Variants in MYT1L observed in about 807,000 individuals in gnomAD.
MYT1L encodes myelin transcription factor 1 like.
A neutral mutation model predicts 126.7 loss-of-function variants in MYT1L; 12 were observed. The observed-to-expected ratio is 0.09, with a 90% confidence interval of 0.06 to 0.15. MYT1L has a LOEUF of 0.15. MYT1L is among the 10% of genes least tolerant of loss of function. MYT1L has a pLI of 1.00. For missense variants in MYT1L, 979 were observed against 1,585.2 expected, an observed-to-expected ratio of 0.62 and a Z score of 6.49; for synonymous variants, 541 against 604.2, an observed-to-expected ratio of 0.90 and a Z score of 1.53.
intron 14 of MYT1L, 82 bp from the exon 15 acceptor site, chr2:1,892,369 C>G (rs190896269): frequency 4.4e-5 from 65 of 1,487,218 alleles, no homozygotes; most frequent in Non-Finnish European, 5.3e-5. Flanking sequence ...CTGCCCGCCC[C>G]GGCCTCAGCC....
chr2:2,252,269 C>A (rs1008240435), intron 2 of MYT1L, among the ~76,000 whole-genome samples: 1 of 152,204 alleles, frequency 6.6e-6, no homozygotes, highest in Non-Finnish European at 1.5e-5. Flanking sequence ...ACCCTTTTAA[C>A]TTTAAAATTC....
intron 3 of MYT1L, among the ~76,000 whole-genome samples, chr2:2,122,908 C>G (rs13034005): frequency 1.4e-5 from 2 of 147,212 alleles, no homozygotes; most frequent in Non-Finnish European, 3.0e-5. Flanking sequence ...GAGTAGAAGA[C>G]AGAACTGGAT....
chr2:2,155,861 T>C (rs1169902803), intron 3 of MYT1L, among the ~76,000 whole-genome samples: 1 of 152,202 alleles, frequency 6.6e-6, no homozygotes, highest in African/African-American at 2.4e-5. Flanking sequence ...TCCAGGCATC[T>C]GGAGGTTCAA....
At chr2:1,896,774 G>A (rs551510265) in intron 14 of MYT1L, among the ~76,000 whole-genome samples, 1 of 151,752 alleles carries the variant, frequency 6.6e-6, no homozygotes, top group Non-Finnish European at 1.5e-5. Context: ...ACATGCACAG[G>A]TACCCTCTGT....
intron 2 of MYT1L, among the ~76,000 whole-genome samples, chr2:2,189,785 G>T (rs1003175445): frequency 2.5e-4 from 38 of 151,556 alleles, no homozygotes; most frequent in Non-Finnish European, 4.1e-4. Context: ...GGACCGCACG[G>T]GGAGAAGCTC....
intron 18 of MYT1L, among the ~76,000 whole-genome samples, chr2:1,864,883 T>G (rs2045250871): frequency 6.6e-6 from 1 of 152,194 alleles, no homozygotes; most frequent in South Asian, 2.1e-4. Flanking sequence ...CCAGAGGGGT[T>G]GGCCTGTTCC....
intron 4 of MYT1L, among the ~76,000 whole-genome samples, chr2:2,001,088 C>T (rs1429649584): frequency 6.6e-6 from 1 of 152,130 alleles, no homozygotes; most frequent in Non-Finnish European, 1.5e-5. Flanking sequence ...TTCGTGCCCC[C>T]ATACAACCTG....
intron 3 of MYT1L, among the ~76,000 whole-genome samples, chr2:2,138,050 A>G (rs2083319923): frequency 6.6e-6 from 1 of 152,244 alleles, no homozygotes; most frequent in Non-Finnish European, 1.5e-5. Flanking sequence ...GACACTTCGC[A>G]AAATAAGACA....
chr2:2,175,485 TA>T (rs1174085796), intron 2 of MYT1L, among the ~76,000 whole-genome samples: 1 of 152,008 alleles, frequency 6.6e-6, no homozygotes, highest in East Asian at 1.9e-4. Flanking sequence ...TGAGATTGGT[TA>T]AAAGATGAGA....
At chr2:2,124,380 C>T (rs2081416698) in intron 3 of MYT1L, among the ~76,000 whole-genome samples, 1 of 152,122 alleles carries the variant, frequency 6.6e-6, no homozygotes, top group Non-Finnish European at 1.5e-5. Context: ...ACTGCAACCT[C>T]TGCCTCCTGG....
chr2:2,171,799 C>T (rs12467137), intron 3 of MYT1L, among the ~76,000 whole-genome samples: 17,387 of 152,166 alleles, frequency 0.11, 1,024 homozygotes, highest in African/African-American at 0.16. Context: ...CTCTCAAAGC[C>T]TGCAGCACCC....
Position 1,887,164 on chromosome 2 carries a change from G to GT in MYT1L, c.2642+323dup. ...CAAAAACAGCCAAAATAGTAAGTAT[G>GT]TTTAAAAAAAAAAAAAACTTTTAAA... On this transcript the variant is annotated intron_variant, in intron 17 of 24. Transcript: ENST00000647738. This position sits in a 1 kb window ranked among gnomAD's most constrained non-coding sequence, Gnocchi z 4.8. 1 of 410,136 alleles carries GT rather than the reference G, an allele frequency of 2.4e-6. No individual in the cohort carries two copies. The highest frequency in any genetic ancestry group is 4.2e-6 in the Non-Finnish European group (1 of 237,028). 25.4% of individuals were successfully genotyped at this position (410,136 alleles called of 1,614,324 possible).
At chr2:2,063,758 C>A (rs1039527221) in intron 3 of MYT1L, among the ~76,000 whole-genome samples, 1 of 152,178 alleles carries the variant, frequency 6.6e-6, no homozygotes, top group Admixed American at 6.5e-5. Context: ...GGAGGAGAAT[C>A]GCTTGAACCT....
chr2:1,912,162 TA>T lies in MYT1L; in HGVS notation c.1619-53del. On this transcript the variant is annotated intron_variant, in intron 11 of 24. Transcript: ENST00000647738. This position sits in a 1 kb window ranked among gnomAD's most constrained non-coding sequence, Gnocchi z 4.3. Reference sequence around the variant, plus strand: ...GCCAGTGTTAAAACAGAGGCACGGTTAGGGCACATGAAAATGCAGTCATTTA... The same window carrying T: ...GCCAGTGTTAAAACAGAGGCACGGTTGGGCACATGAAAATGCAGTCATTTA... The T allele has an allele frequency of 7.6e-7, 1 of 1,318,050 alleles. No homozygotes were observed. Among genetic ancestry groups the T allele is most frequent in the Non-Finnish European group, 1.1e-6 (1 of 950,588 alleles). The allele number at this position is 1,318,050 out of a possible 1,614,324, so 81.6% of individuals were successfully genotyped here. A position where few individuals can be genotyped will look rare whatever the true frequency, so the allele number is the denominator to read the frequency against.
At chr2:2,084,542 G>A (rs1174013789) in intron 3 of MYT1L, among the ~76,000 whole-genome samples, 1 of 152,162 alleles carries the variant, frequency 6.6e-6, no homozygotes, top group African/African-American at 2.4e-5. Flanking sequence ...AGCCAGCAAG[G>A]GGCAGCACCT....
intron 1 of MYT1L, among the ~76,000 whole-genome samples, chr2:2,309,585 C>T (rs1174882139): frequency 6.6e-6 from 1 of 151,662 alleles, no homozygotes; most frequent in Non-Finnish European, 1.5e-5. Context: ...TTTATCTATA[C>T]TCCACCTTCA....
In MYT1L at chr2:1,866,842, G is replaced by A. The variant is rs569332467; in HGVS notation, c.2712-15139C>T. Reference sequence around the variant, plus strand: ...GAGAGAGGGAGGGGGAGAGAGAGAGGCCGTCAGAGAGGGAGGGCAGAGAGA... The same window carrying A: ...GAGAGAGGGAGGGGGAGAGAGAGAGACCGTCAGAGAGGGAGGGCAGAGAGA... On this transcript the variant is annotated intron_variant, in intron 18 of 24. Coordinates refer to ENST00000647738, the MANE Select transcript of MYT1L (RefSeq NM_001303052.2). Among the ~76,000 whole-genome samples the A allele has an allele frequency of 3.3e-5, 4 of 121,874 alleles. No individual in the cohort carries two copies. In the South Asian group the frequency reaches 9.8e-4, roughly 30 times the overall value. The allele number at this position is 121,874 out of a possible 152,430, so 80.0% of individuals were successfully genotyped here.
chr2:2,176,277 T>C (rs891266454), intron 2 of MYT1L, among the ~76,000 whole-genome samples: 1 of 152,178 alleles, frequency 6.6e-6, no homozygotes, highest in African/African-American at 2.4e-5. Context: ...AGGAAAAGAA[T>C]GTACAGCCAG....
chr2:2,213,073 T>G (rs981658512), intron 2 of MYT1L, among the ~76,000 whole-genome samples: 4 of 152,146 alleles, frequency 2.6e-5, no homozygotes, highest in African/African-American at 9.7e-5. Flanking sequence ...AAATAGGACT[T>G]CTGCATCCCA....
Sources: allele counts gnomAD v4.1 joint callset (sites outside exome capture counted in the v4.1 genomes callset), GRCh38; gene constraint gnomAD v4.1.1; non-coding constraint Gnocchi (gnomAD v3.1); transcripts MANE v1.5; gene names NCBI Gene and HGNC (gene_info 2026-07-23, HGNC 2026-07-21).